Variants in HMCN1 observed in about 807,000 individuals in gnomAD.
HMCN1 encodes hemicentin 1, also known as hemicentin-1.
In HMCN1, 321 loss-of-function variants were observed where a neutral mutation model predicts 625.9. The ratio of observed to expected loss-of-function variants is 0.51; its 90% CI spans 0.47 to 0.56. The LOEUF (loss-of-function observed/expected upper bound fraction) is 0.56, where lower values mean the gene tolerates loss of function less well. Among genes scored for constraint, HMCN1 ranks in the 20% least tolerant of loss-of-function variants. HMCN1 has a pLI of 0.00. For missense variants in HMCN1, 6,588 were observed against 6,887.3 expected (o/e 0.96, Z 1.54); for synonymous variants, 2,425 against 2,417.6 (o/e 1.00, Z -0.09).
At chr1:186,127,819 C>T (rs541209730) in intron 82 of HMCN1, among the ~76,000 whole-genome samples, 41 of 152,208 alleles carry the variant, frequency 2.7e-4, no homozygotes, top group African/African-American at 9.6e-4. Flanking sequence ...ATCTAGCAAA[C>T]CACAGAAACT....
At chr1:185,743,982 G>GT (rs1214723950) in intron 1 of HMCN1, among the ~76,000 whole-genome samples, 3,966 of 88,280 alleles carry the variant, frequency 0.045, 269 homozygotes, top group Non-Finnish European at 0.061. Context: ...TTACTGTTTT[G>GT]TTTTTTTTTT....
At chr1:185,935,596 T>TA (rs199826730) in intron 11 of HMCN1, among the ~76,000 whole-genome samples, 2 of 151,218 alleles carry the variant, frequency 1.3e-5, no homozygotes, top group Non-Finnish European at 1.5e-5. Flanking sequence ...AACATAAATA[T>TA]AAAAAAATAT....
intron 1 of HMCN1, among the ~76,000 whole-genome samples, chr1:185,776,354 G>A (rs1283701045): frequency 6.6e-6 from 1 of 151,910 alleles, no homozygotes; most frequent in African/African-American, 2.4e-5. Context: ...GTTTGTTTCT[G>A]TCATTAAATT....
intron 102 of HMCN1, among the ~76,000 whole-genome samples, chr1:186,173,210 G>T (rs1428095753): frequency 6.6e-6 from 1 of 151,948 alleles, no homozygotes; most frequent in Non-Finnish European, 1.5e-5. Flanking sequence ...TCTTGGATTT[G>T]TTTCAGAACA....
chr1:185,892,730 C>A (rs1323094136), intron 4 of HMCN1, among the ~76,000 whole-genome samples: 1 of 152,034 alleles, frequency 6.6e-6, no homozygotes, highest in Non-Finnish European at 1.5e-5. Context: ...CAGACAGGGA[C>A]ATTTAAGTCT....
In HMCN1 at chr1:185,833,397, T is replaced by A. The variant is rs1281340316; in HGVS notation, c.269-12629T>A. ...ACTGGGCTATATACAATGTGAACTG[T>A]GTAATTAGGCTTTAAATAGTCAACT... On this transcript the variant is annotated intron_variant, in intron 1 of 106. Transcript: ENST00000271588. 2.6e-5 allele frequency among the ~76,000 whole-genome samples: 4 copies of A among 152,198 alleles called. No homozygotes were observed. In the East Asian group the frequency reaches 7.7e-4, roughly 29 times the overall value.
At position 186,054,846 on chromosome 1, in the gene HMCN1, C is replaced by G. The variant is rs747683045; in HGVS notation, c.6863-547C>G. On this transcript the variant is annotated intron_variant, in intron 44 of 106. Coordinates refer to ENST00000271588, the MANE Select transcript of HMCN1 (RefSeq NM_031935.3). ...CAAGAGTAAGGGAAAGGGCTGGTAT[C>G]TTTCCCTTTTATTAGGAGAGCAAAA... Among the ~76,000 whole-genome samples, 137 of 152,084 alleles carry G rather than the reference C, an allele frequency of 9.0e-4. 1 individual carries two copies. Among genetic ancestry groups the G allele is most frequent in the Non-Finnish European group, 1.5e-3 (105 of 67,958 alleles).
At chr1:186,159,981 G>A (rs1215691134) in intron 97 of HMCN1, among the ~76,000 whole-genome samples, 2 of 151,090 alleles carry the variant, frequency 1.3e-5, no homozygotes, top group Non-Finnish European at 1.5e-5. Flanking sequence ...GATTGGAATA[G>A]TTTCAGAAGG....
At chr1:186,118,843 G>A (rs2102484747) in intron 77 of HMCN1, among the ~76,000 whole-genome samples, 1 of 152,316 alleles carries the variant, frequency 6.6e-6, no homozygotes, top group South Asian at 2.1e-4. Context: ...GTGGGCTAAG[G>A]CCAGGGTTGT....
At chr1:185,897,393 A>T (rs1242695654) in intron 4 of HMCN1, among the ~76,000 whole-genome samples, 1 of 152,080 alleles carries the variant, frequency 6.6e-6, no homozygotes, top group Non-Finnish European at 1.5e-5. Flanking sequence ...TCCTTCAGTG[A>T]CTTCCATAGA....
intron 43 of HMCN1, among the ~76,000 whole-genome samples, chr1:186,053,610 A>G (rs1657114183): frequency 6.6e-6 from 1 of 151,762 alleles, no homozygotes; most frequent in African/African-American, 2.4e-5. Flanking sequence ...TTTATCAACA[A>G]CTCCTTAAGC....
At chr1:185,959,282 T>C (rs138959411) in intron 11 of HMCN1, among the ~76,000 whole-genome samples, 214 of 152,266 alleles carry the variant, frequency 1.4e-3, no homozygotes, top group African/African-American at 5.0e-3. Context: ...GAAATGTGTC[T>C]CCTGAGCTTG....
chr1:186,182,041 A>G (rs1652965379), intron 104 of HMCN1, 127 bp from the exon 105 acceptor site: 2 of 1,008,102 alleles, frequency 2.0e-6, no homozygotes, highest in Non-Finnish European at 3.1e-6. Flanking sequence ...AGCATTTTTT[A>G]ACACATGAGT....
At chr1:186,156,426 A>C (rs1324675496) in intron 97 of HMCN1, among the ~76,000 whole-genome samples, 2 of 152,208 alleles carry the variant, frequency 1.3e-5, no homozygotes, top group African/African-American at 4.8e-5. Context: ...AATGTGAAGA[A>C]ACTGTTTACC....
intron 29 of HMCN1, among the ~76,000 whole-genome samples, chr1:186,004,297 C>T (rs555426734): frequency 6.6e-6 from 1 of 152,254 alleles, no homozygotes; most frequent in South Asian, 2.1e-4. Flanking sequence ...GGTGTGCCTA[C>T]ATCGAAATGG....
intron 5 of HMCN1, 53 bp from the exon 6 acceptor site, chr1:185,911,612 TTAGCTAATA>T: frequency 8.5e-7 from 1 of 1,172,718 alleles, no homozygotes; most frequent in South Asian, 1.2e-5. Context: ...TAGTGTTAAA[TTAGCTAATA>T]TACATAGCTG....
intron 11 of HMCN1, among the ~76,000 whole-genome samples, chr1:185,955,818 C>G (rs74134225): frequency 0.013 from 1,972 of 152,206 alleles, 30 homozygotes; most frequent in African/African-American, 0.044. Context: ...CTGCTTGACC[C>G]TAGCCCTTCT....
At chr1:185,846,176 T>A in intron 2 of HMCN1, 80 bp downstream of exon 2, 1 of 1,117,284 alleles carries the variant, frequency 9.0e-7, no homozygotes, top group Non-Finnish European at 1.3e-6. Context: ...TTTTTAAATC[T>A]AAAAGACATA....
At chr1:185,984,137 T>G in intron 18 of HMCN1, 32 bp from the exon 19 acceptor site, 1 of 1,594,370 alleles carries the variant, frequency 6.3e-7, no homozygotes, top group East Asian at 2.2e-5. Context: ...CCTTTCTTTT[T>G]AAATAAAAAT....
Sources: gnomAD v4.1 joint callset for allele counts (sites outside exome capture counted in the v4.1 genomes callset) on GRCh38, gnomAD v4.1.1 for gene constraint, MANE v1.5 for transcripts, NCBI Gene and HGNC (gene_info 2026-07-23, HGNC 2026-07-21) for gene names.